Variants in ARPP21 observed in about 807,000 individuals in gnomAD.
ARPP21 encodes cAMP regulated phosphoprotein 21.
ARPP21 carries 69 observed loss-of-function variants against 113.2 expected under a neutral mutation model. The observed-to-expected ratio is 0.61, with a 90% confidence interval of 0.50 to 0.74. The LOEUF (loss-of-function observed/expected upper bound fraction) is 0.74. Among genes scored for constraint, ARPP21 ranks in the 30% least tolerant of loss-of-function variants. The pLI, the probability that ARPP21 is intolerant of heterozygous loss-of-function variation, is 0.00. For missense variants in ARPP21, 1,070 were observed against 1,037.4 expected (o/e 1.03, Z -0.43); for synonymous variants, 368 against 375.5 (o/e 0.98, Z 0.23).
chr3:35,684,547 G>T (rs975567662), intron 5 of ARPP21: 1 of 985,366 alleles, frequency 1.0e-6, no homozygotes, highest in Non-Finnish European at 1.2e-6. Context: ...ATAAAAAATG[G>T]TCTTGCTGCT....
At chr3:35,755,388 G>T (rs951021178) in intron 19 of ARPP21, among the ~76,000 whole-genome samples, 13 of 151,876 alleles carry the variant, frequency 8.6e-5, no homozygotes, top group African/African-American at 2.4e-4. Context: ...CAAGTTCCCT[G>T]CAACTCTCTT....
intron 1 of ARPP21, among the ~76,000 whole-genome samples, chr3:35,672,233 C>G (rs143727577): frequency 1.3e-5 from 2 of 152,022 alleles, no homozygotes; most frequent in East Asian, 1.9e-4. Context: ...TTCCTTTCCC[C>G]GGTATCCTAT....
chr3:35,771,544 G>A (rs1015889315), intron 19 of ARPP21, among the ~76,000 whole-genome samples: 14 of 152,070 alleles, frequency 9.2e-5, no homozygotes, highest in Admixed American at 3.9e-4. Context: ...GGCCAGCCTC[G>A]TCTTCAATTC....
At chr3:35,707,804 G>A (rs1046020815) in intron 10 of ARPP21, among the ~76,000 whole-genome samples, 8 of 151,946 alleles carry the variant, frequency 5.3e-5, no homozygotes, top group Admixed American at 1.3e-4. Context: ...TTAGATTGGC[G>A]GGGGGCTATG....
intron 12 of ARPP21, among the ~76,000 whole-genome samples, chr3:35,716,801 C>A (rs1513478): frequency 0.48 from 72,856 of 151,562 alleles, 18,324 homozygotes; most frequent in East Asian, 0.8. Context: ...GATTATATCC[C>A]ACATTACAAT....
chr3:35,728,183 T>C (rs2093674971), intron 14 of ARPP21, among the ~76,000 whole-genome samples: 1 of 142,794 alleles, frequency 7.0e-6, no homozygotes, highest in African/African-American at 2.7e-5. Flanking sequence ...ATAATAATAA[T>C]AATAATGCCC....
chr3:35,772,312 TA>T (rs1416386895), intron 19 of ARPP21, among the ~76,000 whole-genome samples: 2 of 152,212 alleles, frequency 1.3e-5, no homozygotes, highest in African/African-American at 4.8e-5. Context: ...ATTGTCCTAA[TA>T]AAACAGTTCT....
intron 20 of ARPP21, among the ~76,000 whole-genome samples, chr3:35,793,162 A>G (rs1241817163): frequency 2.0e-5 from 3 of 152,222 alleles, no homozygotes; most frequent in Non-Finnish European, 2.9e-5. Context: ...CCCCTACCCT[A>G]CTATTCTGAT....
At chr3:35,691,795 TA>T (rs2082317701) in intron 9 of ARPP21, among the ~76,000 whole-genome samples, 2 of 151,562 alleles carry the variant, frequency 1.3e-5, no homozygotes, top group African/African-American at 2.4e-5. Context: ...CATGTTAAAC[TA>T]AAAAAACTGC....
At chr3:35,681,910 C>G in intron 3 of ARPP21, 30 bp downstream of exon 3, 1 of 1,608,280 alleles carries the variant, frequency 6.2e-7, no homozygotes, top group Non-Finnish European at 8.5e-7. Flanking sequence ...CCCTGACTCT[C>G]ATACAACTGT....
At chr3:35,641,944 G>A (rs4678788) in intron 1 of ARPP21, among the ~76,000 whole-genome samples, 109,659 of 152,106 alleles carry the variant, frequency 0.72, 39,800 homozygotes, top group African/African-American at 0.8. Flanking sequence ...TCATGTTTTA[G>A]ATTTATCCTC....
intron 10 of ARPP21, among the ~76,000 whole-genome samples, chr3:35,708,272 G>A (rs1199176915): frequency 6.6e-6 from 1 of 152,146 alleles, no homozygotes; most frequent in Non-Finnish European, 1.5e-5. Flanking sequence ...GCAGGAAGTA[G>A]TCAGAAAATA....
intron 15 of ARPP21, 31 bp from the exon 16 acceptor site, chr3:35,737,147 T>C: frequency 7.2e-7 from 1 of 1,393,946 alleles, no homozygotes; most frequent in Non-Finnish European, 1.0e-6. Flanking sequence ...ATTGAGAAGC[T>C]TACCTGGACT....
intron 1 of ARPP21, among the ~76,000 whole-genome samples, chr3:35,662,503 C>T (rs1223343154): frequency 6.6e-6 from 1 of 152,046 alleles, no homozygotes; most frequent in African/African-American, 2.4e-5. Flanking sequence ...CACAGAGGGA[C>T]AGGGAGGGGA....
chr3:35,700,488 T>C (rs1272009177), intron 9 of ARPP21, among the ~76,000 whole-genome samples: 2 of 151,550 alleles, frequency 1.3e-5, no homozygotes, highest in African/African-American at 4.8e-5. Flanking sequence ...CTTATAGCAC[T>C]GAAATTGAAG....
chr3:35,751,070 T>C (rs957897519), intron 19 of ARPP21, among the ~76,000 whole-genome samples: 5 of 152,184 alleles, frequency 3.3e-5, no homozygotes, highest in African/African-American at 1.2e-4. Flanking sequence ...GTCTATATTC[T>C]TGAATGCCGT....
intron 9 of ARPP21, among the ~76,000 whole-genome samples, chr3:35,703,260 T>C (rs2087209280): frequency 6.6e-6 from 1 of 151,892 alleles, no homozygotes; most frequent in South Asian, 2.1e-4. Flanking sequence ...TGAGTGCTCA[T>C]CTATTTCAAG....
Position 35,789,888 on chromosome 3 carries a change from G to C in ARPP21, c.2138-2494G>C, listed in dbSNP as rs376853597. ...ATTATTTTCCCTTCACCCAATTTTGGTTTAGAAGATGGTGTGTTAAGTGAA... is the reference window on the plus strand; with the variant it reads ...ATTATTTTCCCTTCACCCAATTTTGCTTTAGAAGATGGTGTGTTAAGTGAA... On this transcript the variant is annotated intron_variant, in intron 19 of 20. Coordinates refer to ENST00000684406, the MANE Select transcript of ARPP21 (RefSeq NM_001385562.1). Among the ~76,000 whole-genome samples the C allele has an allele frequency of 9.2e-5, 14 of 152,186 alleles. No individual in the cohort carries two copies. In the East Asian group the frequency reaches 2.7e-3, roughly 29 times the overall value.
chr3:35,704,140 A>G (rs2087667801), intron 9 of ARPP21, among the ~76,000 whole-genome samples: 1 of 151,876 alleles, frequency 6.6e-6, no homozygotes, highest in Admixed American at 6.6e-5. Context: ...ATATTTCTGG[A>G]AAAATACAAA....
Sources: allele counts gnomAD v4.1 joint callset (sites outside exome capture counted in the v4.1 genomes callset), GRCh38; gene constraint gnomAD v4.1.1; transcripts MANE v1.5; gene names NCBI Gene and HGNC (gene_info 2026-07-23, HGNC 2026-07-21).